The following UBA6 variants were observed in gnomAD, a reference collection of about 807,000 sequenced individuals.
The protein encoded by UBA6 is ubiquitin like modifier activating enzyme 6, also known as ubiquitin-like modifier-activating enzyme 6.
Under a neutral mutation model 148.3 loss-of-function variants are expected in UBA6, and 87 were observed. The observed-to-expected ratio is 0.59, with a 90% confidence interval of 0.49 to 0.70. The LOEUF (loss-of-function observed/expected upper bound fraction) is 0.70, where lower values mean the gene tolerates loss of function less well. Ranked by LOEUF, UBA6 falls within the 30% of genes least tolerant of loss-of-function variation. The pLI is 0.00. For synonymous variants in UBA6, 376 were observed against 401.0 expected (o/e 0.94, Z 0.75); for missense variants, 1,186 against 1,241.2 (o/e 0.96, Z 0.67).
At position 67,630,552 on chromosome 4, in the gene UBA6, AT is replaced by A; in HGVS notation, c.2259-18del. The A allele has an allele frequency of 6.5e-7, 1 of 1,534,344 alleles. No individual in the cohort carries two copies. The highest frequency in any genetic ancestry group is 8.8e-7 in the Non-Finnish European group (1 of 1,132,574). ...CTGAGGTGCCTTTTGAAATTAAAAA[AT>A]AAAGCAAAATTTGAATGTACAGTTT... is the stretch of plus-strand genomic sequence containing the variant. On this transcript the variant is annotated intron_variant, in intron 25 of 32. Coordinates refer to ENST00000322244, the MANE Select transcript of UBA6 (RefSeq NM_018227.6).
At chr4:67,679,152 A>T (rs1394165911) in intron 4 of UBA6, among the ~76,000 whole-genome samples, 1 of 152,182 alleles carries the variant, frequency 6.6e-6, no homozygotes, top group Non-Finnish European at 1.5e-5. Context: ...CAAGGTAAAG[A>T]AAAGTAGAGC....
rs762325455 is a variant in UBA6, at chr4:67,631,745, G to T, written c.2221C>A (p.Pro741Thr). The T allele has an allele frequency of 6.2e-7, 1 of 1,611,172 alleles. No individual in the cohort carries two copies. The highest frequency in any genetic ancestry group is 1.7e-5 in the Admixed American group (1 of 59,826). The change falls in exon 25 of 33, where the codon CCA becomes ACA. Residue 741 changes from proline (P) to threonine (T), a missense_variant. Pro to Thr is a conservative substitution (Grantham distance 38). Coordinates refer to ENST00000322244, the MANE Select transcript of UBA6 (RefSeq NM_018227.6). ...GSLFWQSPKR[P>T]PSPIKFDLNE... ...AAATCAAATTTTATTGGAGAGGGTGGCCTCTTTGGTGACTGCCAAAATAAA... is the reference window on the plus strand; with the variant it reads ...AAATCAAATTTTATTGGAGAGGGTGTCCTCTTTGGTGACTGCCAAAATAAA...
At chr4:67,623,086 A>G in intron 31 of UBA6, 49 bp downstream of exon 31, 2 of 1,463,834 alleles carry the variant, frequency 1.4e-6, no homozygotes, top group South Asian at 1.2e-5. Context: ...AACAAAACAG[A>G]AACCAGACAT....
intron 2 of UBA6, among the ~76,000 whole-genome samples, chr4:67,695,826 T>C (rs375513057): frequency 1.1e-4 from 17 of 152,172 alleles, no homozygotes; most frequent in Non-Finnish European, 1.8e-4. Context: ...AAACAGGATT[T>C]GGACTCAACA....
chr4:67,644,285 T>C (rs1729370719), intron 17 of UBA6, among the ~76,000 whole-genome samples: 1 of 152,146 alleles, frequency 6.6e-6, no homozygotes, highest in South Asian at 2.1e-4. Context: ...TACTCTTTAA[T>C]TGAAACTACA....
intron 19 of UBA6, among the ~76,000 whole-genome samples, chr4:67,637,221 G>C (rs1375191811): frequency 3.3e-4 from 50 of 151,356 alleles, no homozygotes; most frequent in African/African-American, 1.1e-3. Flanking sequence ...CCGGGAGGGA[G>C]GTGGGGGGCA....
chr4:67,629,891 G>A (rs1174870774), intron 26 of UBA6, among the ~76,000 whole-genome samples: 1 of 152,046 alleles, frequency 6.6e-6, no homozygotes, highest in East Asian at 1.9e-4. Context: ...CCACCTAAAA[G>A]TACAGCAATT....
chr4:67,699,158 T>C (rs1329559226), intron 1 of UBA6, among the ~76,000 whole-genome samples: 1 of 152,154 alleles, frequency 6.6e-6, no homozygotes, highest in African/African-American at 2.4e-5. Context: ...CAGAGATAAT[T>C]CCCAGGTACA....
rs1313870012 is a variant in UBA6 at position 67,637,150 on chromosome 4, G to A, written c.1737-1592C>T. 9.9e-5 allele frequency among the ~76,000 whole-genome samples: 15 copies of A among 150,900 alleles called. 1 individual carries two copies. The highest frequency in any genetic ancestry group is 3.3e-4 in the Admixed American group (5 of 15,214). On this transcript the variant is annotated intron_variant, in intron 19 of 32. Transcript: ENST00000322244. ...CGTCTGGGAAGTGAGGAGCGTCTCCGCCCGGCAGCCGCCCCGTCCGGGAGG... is the reference window on the plus strand; with the variant it reads ...CGTCTGGGAAGTGAGGAGCGTCTCCACCCGGCAGCCGCCCCGTCCGGGAGG...
intron 7 of UBA6, among the ~76,000 whole-genome samples, chr4:67,671,230 C>T (rs2109940536): frequency 6.6e-6 from 1 of 152,118 alleles, no homozygotes; most frequent in East Asian, 1.9e-4. Flanking sequence ...AGAGCTACTG[C>T]TAATAAAGAG....
In UBA6 at chr4:67,630,474, C is replaced by T. The variant is rs2109900661; in HGVS notation, c.2320G>A (p.Ala774Thr). The stretch of plus-strand genomic sequence containing the variant: ...CTTAAAGAATATCTTACCTCTTCTG[C>T]AAATGGAATACAATATACTGTAGCA... ...LYATVYCIPF[A>T]EEDLSADALL... Residue 774 changes from alanine (A) to threonine (T), a missense_variant, in exon 26 of 33, where the codon GCA becomes ACA. By Grantham distance (58) the Ala-to-Thr change is moderately conservative. Coordinates refer to ENST00000322244, the MANE Select transcript of UBA6 (RefSeq NM_018227.6). 1.3e-6 allele frequency: 2 copies of T among 1,586,024 alleles called. No individual in the cohort carries two copies. The highest frequency in any genetic ancestry group is 2.3e-5 in the South Asian group (2 of 86,538).
chr4:67,700,929 C>G lies in UBA6; in HGVS notation c.71+120G>C, dbSNP rs998194808. The G allele has an allele frequency of 4.0e-6, 5 of 1,251,324 alleles. No homozygotes were observed. The South Asian group carries it at 6.3e-5, about 16-fold the overall frequency. The allele number at this position is 1,251,324 out of a possible 1,614,324, so 77.5% of individuals were successfully genotyped here. ...GCGCGCGCCCCTCGCCTCCCAGGGCCGGCTCTGCTCGGCCCCGCGGCCTCT... is the reference window on the plus strand; with the variant it reads ...GCGCGCGCCCCTCGCCTCCCAGGGCGGGCTCTGCTCGGCCCCGCGGCCTCT... On this transcript the variant is annotated intron_variant, in intron 1 of 32. Coordinates refer to ENST00000322244, the MANE Select transcript of UBA6 (RefSeq NM_018227.6).
At chr4:67,660,538 C>T (rs970814317) in intron 13 of UBA6, among the ~76,000 whole-genome samples, 15 of 152,128 alleles carry the variant, frequency 9.9e-5, no homozygotes, top group Non-Finnish European at 1.9e-4. Flanking sequence ...AGAAGTCAAG[C>T]GAGATTTGGG....
intron 31 of UBA6, 31 bp downstream of exon 31, chr4:67,623,104 C>T (rs754560611): frequency 2.0e-6 from 3 of 1,510,602 alleles, no homozygotes; most frequent in Admixed American, 1.8e-5. Context: ...CATAAAGCTA[C>T]TAATGAACTA....
intron 9 of UBA6, 150 bp from the exon 10 acceptor site, chr4:67,665,442 T>C (rs1729973568): frequency 1.9e-6 from 1 of 539,706 alleles, no homozygotes; most frequent in South Asian, 3.0e-5. Context: ...TTTTTTTTTT[T>C]TTTTAATGAA....
chr4:67,669,029 G>T (rs1372708451), intron 8 of UBA6, among the ~76,000 whole-genome samples: 1 of 152,048 alleles, frequency 6.6e-6, no homozygotes, highest in Non-Finnish European at 1.5e-5. Context: ...GGGCATAAAT[G>T]ATAAAAGCCT....
At chr4:67,634,139 ATCACTCTTT>A in intron 22 of UBA6, 94 bp downstream of exon 22, 1 of 694,076 alleles carries the variant, frequency 1.4e-6, no homozygotes, top group Middle Eastern at 4.3e-4. Flanking sequence ...TTTATATACA[ATCACTCTTT>A]ATGGAGGTAA....
At chr4:67,628,988 G>A in intron 27 of UBA6, 83 bp downstream of exon 27, 1 of 929,416 alleles carries the variant, frequency 1.1e-6, no homozygotes, top group Non-Finnish European at 1.8e-6. Flanking sequence ...CATTCATTGT[G>A]ATATTCTCCA....
At chr4:67,690,894 C>T (rs971097206) in intron 2 of UBA6, among the ~76,000 whole-genome samples, 8 of 151,994 alleles carry the variant, frequency 5.3e-5, no homozygotes, top group Non-Finnish European at 8.8e-5. Flanking sequence ...ATGAAGCTTC[C>T]TCAAAAATTA....
Sources: gnomAD v4.1 joint callset for allele counts (sites outside exome capture counted in the v4.1 genomes callset) on GRCh38, gnomAD v4.1.1 for gene constraint, MANE v1.5 for transcripts, NCBI Gene and HGNC (gene_info 2026-07-23, HGNC 2026-07-21) for gene names.